The following PITPNM3 variants were observed in gnomAD, a reference collection of about 807,000 sequenced individuals.
PITPNM3 encodes the protein membrane-associated phosphatidylinositol transfer protein 3.
In PITPNM3, 26 loss-of-function variants were observed where a neutral mutation model predicts 102.0. That is an observed-to-expected ratio of 0.25 (90% CI 0.19 to 0.35). PITPNM3 has a LOEUF of 0.35. PITPNM3 is among the 10% of genes least tolerant of loss of function. The probability of loss-of-function intolerance (pLI) is 1.00; values close to 1 mark genes in which losing one functional copy is unlikely to be tolerated. For synonymous variants in PITPNM3, 578 were observed against 558.6 expected, an observed-to-expected ratio of 1.03 and a Z score of -0.49; for missense variants, 1,083 against 1,346.1, an observed-to-expected ratio of 0.80 and a Z score of 3.06.
intron 6 of PITPNM3, 65 bp downstream of exon 6, chr17:6,483,452 G>A (rs1905867255): frequency 3.4e-6 from 5 of 1,483,314 alleles, no homozygotes; most frequent in Non-Finnish European, 3.7e-6. Flanking sequence ...ATGCTGCAGG[G>A]GGAGCCCCTC....
At chr17:6,523,486 G>C (rs73350013) in intron 3 of PITPNM3, among the ~76,000 whole-genome samples, 8,095 of 152,170 alleles carry the variant, frequency 0.053, 459 homozygotes, top group East Asian at 0.16. Context: ...GCCCTCCAGT[G>C]CCCTCCCAGC....
chr17:6,550,693 G>C (rs1053927955), intron 1 of PITPNM3, among the ~76,000 whole-genome samples: 1 of 152,216 alleles, frequency 6.6e-6, no homozygotes, highest in African/African-American at 2.4e-5. Context: ...ACAGCTTCTG[G>C]CCAATCTGAC....
At chr17:6,514,942 T>G (rs920832125) in intron 3 of PITPNM3, among the ~76,000 whole-genome samples, 2 of 152,192 alleles carry the variant, frequency 1.3e-5, no homozygotes. Context: ...TGACTTATGC[T>G]ACAACGTGGA....
intron 17 of PITPNM3, among the ~76,000 whole-genome samples, chr17:6,463,302 T>C (rs993406410): frequency 3.9e-5 from 6 of 152,070 alleles, no homozygotes; most frequent in African/African-American, 1.4e-4. Flanking sequence ...TGTGACTTAT[T>C]TTCCCCACCA....
In PITPNM3 at chr17:6,464,704, C is replaced by T; in HGVS notation, c.1958G>A (p.Gly653Glu). Residue 653 changes from glycine (G) to glutamate (E), a missense_variant, in exon 15 of 20, where the codon GGG (glycine) becomes GAG (glutamate). Physicochemically the swap from Gly to Glu is moderately conservative, Grantham distance 98. This residue lies in a region of PITPNM3 where 410 missense variants were observed against 638.4 expected (regional missense o/e 0.64). Transcript: ENST00000262483. ...GTCGAGGGGCCCGTACATGAACCGC[C>T]CCACCAGGACCTGGGGGCCATCTTC... ...AAEDGPQVLV[G>E]RFMYGPLDMV... The T allele has an allele frequency of 6.2e-7, 1 of 1,614,230 alleles. No individual in the cohort carries two copies. The highest frequency in any genetic ancestry group is 8.5e-7 in the Non-Finnish European group (1 of 1,180,052).
chr17:6,513,664 G>C (rs1200430946), intron 3 of PITPNM3, among the ~76,000 whole-genome samples: 1 of 152,208 alleles, frequency 6.6e-6, no homozygotes, highest in African/African-American at 2.4e-5. Flanking sequence ...TAAATGTAAA[G>C]ACATCTCACG....
At position 6,477,224 on chromosome 17, in the gene PITPNM3, G is replaced by A. The variant is rs879000449; in HGVS notation, c.901-11C>T. ...CGCGACTGGGGTGTCCTTTGGGACC[G>A]AACAGGGGACAGGAGAGAAAAAGAC... On this transcript the variant is annotated splice_polypyrimidine_tract_variant and intron_variant, in intron 8 of 19. Coordinates refer to ENST00000262483, the MANE Select transcript of PITPNM3 (RefSeq NM_031220.4). 13 of 1,613,226 alleles carry A rather than the reference G, an allele frequency of 8.1e-6. No homozygotes were observed. Among genetic ancestry groups the A allele is most frequent in the South Asian group, 2.2e-5 (2 of 91,040 alleles).
At position 6,482,040 on chromosome 17, in the gene PITPNM3, G is replaced by GTCTCTCTC. The variant is rs56855120; in HGVS notation, c.587+1469_587+1476dup. Among the ~76,000 whole-genome samples, 14 of 55,184 alleles carry GTCTCTCTC rather than the reference G, an allele frequency of 2.5e-4. 3 individuals are homozygous for GTCTCTCTC. Among genetic ancestry groups the GTCTCTCTC allele is most frequent in the Non-Finnish European group, 3.4e-4 (7 of 20,800 alleles). The allele number at this position is 55,184 out of a possible 152,430, so 36.2% of individuals were successfully genotyped here. A position where few individuals can be genotyped will look rare whatever the true frequency, so the allele number is the denominator to read the frequency against. On this transcript the variant is annotated intron_variant, in intron 6 of 19. Coordinates refer to ENST00000262483, the MANE Select transcript of PITPNM3 (RefSeq NM_031220.4). ...TCTCTCTCTCTCTCTCTCTCTGTCT[G>GTCTCTCTC]TCTCTCTCTCTCTCTCTCTCTCTCT...
At chr17:6,518,263 T>C (rs927393194) in intron 3 of PITPNM3, among the ~76,000 whole-genome samples, 5 of 152,298 alleles carry the variant, frequency 3.3e-5, no homozygotes, top group South Asian at 4.2e-4. Context: ...TTTTGAACTA[T>C]GTAGACATGA....
At position 6,517,215 on chromosome 17, in the gene PITPNM3, T is replaced by C. The variant is rs1344259790; in HGVS notation, c.226+8141A>G. Among the ~76,000 whole-genome samples, 1 of 152,222 alleles carries C rather than the reference T, an allele frequency of 6.6e-6. No homozygotes were observed. The highest frequency in any genetic ancestry group is 1.5e-5 in the Non-Finnish European group (1 of 68,044). On this transcript the variant is annotated intron_variant, in intron 3 of 19. Coordinates refer to ENST00000262483, the MANE Select transcript of PITPNM3 (RefSeq NM_031220.4). The surrounding 1 kb of genome is among the most constrained non-coding windows in gnomAD (Gnocchi z 4.1). ...AGTCAGGAAATTGAGGAAGTAGCAGTGAGACCTATATGCTACAAAGGGCAA... is the reference window on the plus strand; with the variant it reads ...AGTCAGGAAATTGAGGAAGTAGCAGCGAGACCTATATGCTACAAAGGGCAA...
chr17:6,532,026 A>T (rs1386952340), intron 2 of PITPNM3, among the ~76,000 whole-genome samples: 1 of 151,984 alleles, frequency 6.6e-6, no homozygotes, highest in Non-Finnish European at 1.5e-5. Flanking sequence ...GAATCACTTG[A>T]ACCTGGGAGG....
intron 3 of PITPNM3, among the ~76,000 whole-genome samples, chr17:6,516,787 T>C (rs1028441519): frequency 1.1e-4 from 17 of 151,986 alleles, no homozygotes; most frequent in African/African-American, 4.1e-4. Flanking sequence ...CCCAGCACTT[T>C]GGGAGGCCGA....
intron 3 of PITPNM3, among the ~76,000 whole-genome samples, chr17:6,508,972 C>T (rs943865051): frequency 1.3e-5 from 2 of 152,210 alleles, no homozygotes; most frequent in African/African-American, 4.8e-5. Flanking sequence ...AAATGAGACC[C>T]CACTTAGCCT....
chr17:6,478,685 G>A lies in PITPNM3; in HGVS notation c.639C>T (p.His213=), dbSNP rs1446911880. 16 of 1,608,480 alleles carry A rather than the reference G, an allele frequency of 9.9e-6. No homozygotes were observed. The highest frequency in any genetic ancestry group is 2.2e-5 in the East Asian group (1 of 44,738). The change falls in exon 7 of 20, where the codon CAC becomes CAT. Residue 213 remains histidine, a synonymous_variant. Transcript: ENST00000262483. The surrounding 1 kb of genome is among the most constrained non-coding windows in gnomAD (Gnocchi z 4.4). ...DEGCLSSSQD[H]VPLAALPLLA... is the part of the protein sequence containing the mutation. ...ACAGGGGAAGGGCGGCCAGAGGGAC[G>A]TGGTCCTGGCTGCTGCTGAGGCAGC... is the stretch of plus-strand genomic sequence containing the variant.
At chr17:6,491,981 A>G (rs1194815846) in intron 4 of PITPNM3, among the ~76,000 whole-genome samples, 1 of 151,074 alleles carries the variant, frequency 6.6e-6, no homozygotes. Flanking sequence ...TTCTCTAAGG[A>G]GTCCATATTT....
At chr17:6,499,603 T>C (rs1290854329) in intron 4 of PITPNM3, among the ~76,000 whole-genome samples, 1 of 152,220 alleles carries the variant, frequency 6.6e-6, no homozygotes. Context: ...GTGACAACCA[T>C]CAGAACTTTC....
chr17:6,554,186 G>A lies in PITPNM3; in HGVS notation c.22+2199C>T, dbSNP rs527346826. Among the ~76,000 whole-genome samples the A allele has an allele frequency of 1.2e-4, 19 of 152,044 alleles. 1 individual carries two copies. The highest frequency in any genetic ancestry group is 3.9e-4 in the African/African-American group (16 of 41,478). On this transcript the variant is annotated intron_variant, in intron 1 of 19. Coordinates refer to ENST00000262483, the MANE Select transcript of PITPNM3 (RefSeq NM_031220.4). ...AATACAAAAATTAGCTGGATGTGGTGGTATGTATCTGTAGTCCCAGTTACT... is the reference window on the plus strand; with the variant it reads ...AATACAAAAATTAGCTGGATGTGGTAGTATGTATCTGTAGTCCCAGTTACT...
chr17:6,489,201 G>A (rs367676468), intron 4 of PITPNM3, among the ~76,000 whole-genome samples: 5 of 152,158 alleles, frequency 3.3e-5, no homozygotes, highest in Admixed American at 6.5e-5. Flanking sequence ...ACCCCAGCTC[G>A]GCTGGAGAGC....
chr17:6,536,528 G>T (rs1389795190), intron 2 of PITPNM3, among the ~76,000 whole-genome samples: 1 of 152,120 alleles, frequency 6.6e-6, no homozygotes, highest in Admixed American at 6.5e-5. Context: ...TCAGGGAAGG[G>T]GTTCCCCGCC....
Sources: gnomAD v4.1 joint callset for allele counts (sites outside exome capture counted in the v4.1 genomes callset) on GRCh38, gnomAD v4.1.1 for gene constraint, gnomAD v4.1.1 regional missense constraint, Gnocchi (gnomAD v3.1) non-coding constraint, MANE v1.5 for transcripts, NCBI Gene and HGNC (gene_info 2026-07-23, HGNC 2026-07-21) for gene names.